Variants in PKP1 observed in about 807,000 individuals in gnomAD.
PKP1 encodes plakophilin-1.
In PKP1, 27 loss-of-function variants were observed where a neutral mutation model predicts 76.4. The observed-to-expected ratio is 0.35, with a 90% CI of 0.26 to 0.49. PKP1 has a LOEUF of 0.49. Among genes scored for constraint, PKP1 ranks in the 20% least tolerant of loss-of-function variants. The pLI is 0.99. For missense variants in PKP1, 964 were observed against 955.2 expected, an observed-to-expected ratio of 1.01 and a Z score of -0.12; for synonymous variants, 404 against 384.2, an observed-to-expected ratio of 1.05 and a Z score of -0.60.
chr1:201,292,758 G>A (rs1218511729), intron 1 of PKP1, among the ~76,000 whole-genome samples: 1 of 152,202 alleles, frequency 6.6e-6, no homozygotes, highest in Non-Finnish European at 1.5e-5. Context: ...GAAAAGGAGT[G>A]CATATCCCTC....
chr1:201,302,873 T>C (rs2102163127), intron 2 of PKP1, among the ~76,000 whole-genome samples: 1 of 152,174 alleles, frequency 6.6e-6, no homozygotes, highest in Non-Finnish European at 1.5e-5. Flanking sequence ...ACTGCCGAAC[T>C]GCCTTCCTTC....
intron 1 of PKP1, among the ~76,000 whole-genome samples, chr1:201,289,370 G>A (rs756202242): frequency 6.6e-6 from 1 of 152,204 alleles, no homozygotes; most frequent in Non-Finnish European, 1.5e-5. Flanking sequence ...CATGCTGAAG[G>A]ACAGGTGGGC....
chr1:201,317,714 G>T lies in PKP1; in HGVS notation c.989G>T (p.Gly330Val), dbSNP rs758855160. 2 of 1,613,976 alleles carry T rather than the reference G, an allele frequency of 1.2e-6. No homozygotes were observed. The highest frequency in any genetic ancestry group is 2.2e-5 in the South Asian group (2 of 91,066). The change falls in exon 5 of 14, where the codon GGG (glycine) becomes GTG (valine). Residue 330 changes from glycine to valine, a missense_variant. By Grantham distance (109) the Gly-to-Val change is moderately radical (BLOSUM62 -3). Transcript: ENST00000367324. The part of the protein sequence containing the change: ...TNKLETRRQN[G>V]IREAVSLLRR... ...AAGCTGGAGACCCGGAGGCAGAATG[G>T]GATCCGCGAGGCAGTCAGCCTCCTG...
chr1:201,305,500 G>A (rs755580257), intron 2 of PKP1, among the ~76,000 whole-genome samples: 7 of 152,228 alleles, frequency 4.6e-5, no homozygotes, highest in Admixed American at 4.6e-4. Flanking sequence ...CTGGGCTACA[G>A]ATCTGTCTTA....
chr1:201,305,152 C>T (rs1163230708), intron 2 of PKP1, among the ~76,000 whole-genome samples: 1 of 152,150 alleles, frequency 6.6e-6, no homozygotes, highest in Non-Finnish European at 1.5e-5. Flanking sequence ...ACGCATGCTT[C>T]TCTTCCAAAG....
At chr1:201,293,300 C>T (rs555438441) in intron 1 of PKP1, among the ~76,000 whole-genome samples, 1 of 152,338 alleles carries the variant, frequency 6.6e-6, no homozygotes, top group Non-Finnish European at 1.5e-5. Flanking sequence ...ACCCTAATGA[C>T]ACTCTGTCCT....
chr1:201,302,744 G>A (rs1030263979), intron 2 of PKP1, among the ~76,000 whole-genome samples: 10 of 152,186 alleles, frequency 6.6e-5, no homozygotes, highest in African/African-American at 2.2e-4. Context: ...CTCTAGACCC[G>A]GAGCCCCTCC....
intron 1 of PKP1, among the ~76,000 whole-genome samples, chr1:201,293,509 T>A (rs1655986215): frequency 6.6e-6 from 1 of 152,208 alleles, no homozygotes. Context: ...CAATCTCTAA[T>A]CAGCTGTTGC....
intron 1 of PKP1, among the ~76,000 whole-genome samples, chr1:201,288,751 C>T (rs368300677): frequency 3.9e-5 from 6 of 152,264 alleles, no homozygotes; most frequent in South Asian, 2.1e-4. Flanking sequence ...TGCCCCCTCA[C>T]GCCCATCCTG....
intron 1 of PKP1, among the ~76,000 whole-genome samples, chr1:201,290,414 GA>G (rs994779014): frequency 4.6e-5 from 7 of 152,062 alleles, no homozygotes; most frequent in African/African-American, 7.2e-5. Flanking sequence ...ATGGGGAGAA[GA>G]GGGGCAAAGC....
chr1:201,297,484 T>C (rs1656108612), intron 2 of PKP1, among the ~76,000 whole-genome samples: 1 of 152,148 alleles, frequency 6.6e-6, no homozygotes, highest in South Asian at 2.1e-4. Context: ...CTGTAGAATA[T>C]TAGAGCCCAA....
Position 201,283,867 on chromosome 1 carries a change from G to T in PKP1, c.165G>T (p.Lys55Asn). Residue 55 changes from lysine to asparagine, a missense_variant, in exon 1 of 14, where the codon AAG (lysine) becomes AAT (asparagine). Lys to Asn is a moderately conservative substitution (Grantham distance 94, BLOSUM62 0). Transcript: ENST00000367324. ...VMMTVKRQKS[K>N]SSQSSTLSHS... The stretch of plus-strand genomic sequence containing the variant: ...TGACCGTCAAGCGGCAGAAGTCCAA[G>T]TCTTCCCAGTCGTCCACCCTGAGCC... 6.2e-7 allele frequency: 1 copy of T among 1,614,186 alleles called. No individual in the cohort carries two copies. Among genetic ancestry groups the T allele is most frequent in the South Asian group, 1.1e-5 (1 of 91,086 alleles).
intron 2 of PKP1, among the ~76,000 whole-genome samples, chr1:201,311,407 C>T (rs984042980): frequency 1.3e-5 from 2 of 152,188 alleles, no homozygotes; most frequent in African/African-American, 4.8e-5. Flanking sequence ...GAAAATTATG[C>T]CTGCCTGAGT....
At chr1:201,285,530 T>A (rs1655707963) in intron 1 of PKP1, among the ~76,000 whole-genome samples, 1 of 152,182 alleles carries the variant, frequency 6.6e-6, no homozygotes, top group South Asian at 2.1e-4. Flanking sequence ...AGGTGCCTCC[T>A]AGCCTCTTTA....
intron 11 of PKP1, 62 bp downstream of exon 11, chr1:201,325,189 G>GGGT: frequency 6.6e-7 from 1 of 1,523,520 alleles, no homozygotes; most frequent in Non-Finnish European, 9.1e-7. Flanking sequence ...ACCCTGCACA[G>GGGT]CAGGAAGCAG....
intron 11 of PKP1, 119 bp from the exon 12 acceptor site, chr1:201,325,635 G>C (rs1657095990): frequency 2.6e-6 from 2 of 780,466 alleles, no homozygotes; most frequent in Non-Finnish European, 4.5e-6. Flanking sequence ...GCACACCTGA[G>C]GCCTCCTCTG....
intron 1 of PKP1, 109 bp downstream of exon 1, chr1:201,284,013 G>A: frequency 9.8e-7 from 1 of 1,020,988 alleles, no homozygotes; most frequent in Admixed American, 2.0e-5. Context: ...GAGGCGAGGG[G>A]CTGCCGGCCC....
chr1:201,288,876 C>T (rs1201870067), intron 1 of PKP1, among the ~76,000 whole-genome samples: 2 of 152,190 alleles, frequency 1.3e-5, no homozygotes, highest in African/African-American at 2.4e-5. Flanking sequence ...CGCGTCCCAG[C>T]AGAGCCTGAG....
At position 201,291,249 on chromosome 1, in the gene PKP1, C is replaced by T. The variant is rs1571539454; in HGVS notation, c.203-2693C>T. Among the ~76,000 whole-genome samples, 2 of 152,302 alleles carry T rather than the reference C, an allele frequency of 1.3e-5. 1 individual carries two copies. Among genetic ancestry groups the T allele is most frequent in the East Asian group, 3.9e-4 (2 of 5,176 alleles). ...CTCACCAGAGCCAAGCAGACCCCAA[C>T]TACAGATAGGTCTTAGGAGATGCCT... is the stretch of plus-strand genomic sequence containing the variant. On this transcript the variant is annotated intron_variant, in intron 1 of 13. Transcript: ENST00000367324.
Sources: allele counts gnomAD v4.1 joint callset (sites outside exome capture counted in the v4.1 genomes callset), GRCh38; gene constraint gnomAD v4.1.1; transcripts MANE v1.5; gene names NCBI Gene and HGNC (gene_info 2026-07-23, HGNC 2026-07-21).